Variants in MATR3 observed in about 807,000 individuals in gnomAD.
MATR3 encodes the protein matrin-3.
MATR3 carries 4 observed loss-of-function variants against 85.5 expected under a neutral mutation model. The ratio of observed to expected loss-of-function variants is 0.05; its 90% CI spans 0.02 to 0.11. The LOEUF is 0.11. Ranked by LOEUF, MATR3 falls within the 10% of genes least tolerant of loss-of-function variation. MATR3 has a pLI of 1.00. For missense variants in MATR3, 685 were observed against 1,016.1 expected (o/e 0.67, Z 4.43); for synonymous variants, 336 against 343.1 (o/e 0.98, Z 0.23).
chr5:139,322,420 AT>A, intron 10 of MATR3, 42 bp from the exon 11 acceptor site: 1 of 1,528,182 alleles, frequency 6.5e-7, no homozygotes. Context: ...ATAATTGTGT[AT>A]TCTGCAAATG....
chr5:139,290,467 A>C (rs371681733), upstream of MATR3, among the ~76,000 whole-genome samples: 2 of 1,600 alleles, frequency 1.3e-3, no homozygotes, highest in East Asian at 0.024. Context: ...TTTTTTTTTT[A>C]ACAGGGTCCT....
intron 1 of MATR3, among the ~76,000 whole-genome samples, chr5:139,275,163 TTTTTTTTG>T: frequency 7.7e-6 from 1 of 129,612 alleles, no homozygotes; most frequent in African/African-American, 2.9e-5. Context: ...TTTTTTTTTT[TTTTTTTTG>T]TATTTTTAGT....
chr5:139,292,490 A>G (rs2151910700), upstream of MATR3, among the ~76,000 whole-genome samples: 1 of 152,304 alleles, frequency 6.6e-6, no homozygotes, highest in South Asian at 2.1e-4. Context: ...TTAGGTCTCC[A>G]AACAATTTAC....
intron 12 of MATR3, among the ~76,000 whole-genome samples, chr5:139,323,603 A>G (rs557880130): frequency 6.6e-6 from 1 of 152,332 alleles, no homozygotes; most frequent in South Asian, 2.1e-4. Context: ...TTTATGTTAA[A>G]TGGCTCATAA....
chr5:139,319,385 C>A lies in MATR3; in HGVS notation c.1486C>A (p.Arg496Ser). Residue 496 changes from arginine to serine, a missense_variant, in exon 9 of 15, where the codon CGT becomes AGT. Transcript: ENST00000394805. Reference sequence around the variant, plus strand: ...GTTTGATCAAAAGCAAGAGCTTGGACGTGTGATACATCTCAGCAATTTGCC... The same window carrying A: ...GTTTGATCAAAAGCAAGAGCTTGGAAGTGTGATACATCTCAGCAATTTGCC... The part of the protein sequence containing the change: ...QKFDQKQELG[R>S]VIHLSNLPHS... 3 of 1,614,078 alleles carry A rather than the reference C, an allele frequency of 1.9e-6. No individual in the cohort carries two copies. The highest frequency in any genetic ancestry group is 2.5e-6 in the Non-Finnish European group (3 of 1,179,998).
chr5:139,301,996 T>G (rs1342423697), intron 1 of MATR3, among the ~76,000 whole-genome samples: 1 of 152,228 alleles, frequency 6.6e-6, no homozygotes, highest in African/African-American at 2.4e-5. Context: ...ACTTCACGTC[T>G]GTTAGATGGA....
upstream of MATR3, among the ~76,000 whole-genome samples, chr5:139,292,756 G>C (rs562084534): frequency 1.3e-5 from 2 of 152,244 alleles, no homozygotes; most frequent in Non-Finnish European, 2.9e-5. Flanking sequence ...TGGCTAACAC[G>C]GTGAAACCCC....
At chr5:139,321,115 C>T (rs914356616) in intron 9 of MATR3, among the ~76,000 whole-genome samples, 3 of 151,654 alleles carry the variant, frequency 2.0e-5, no homozygotes, top group African/African-American at 7.3e-5. Context: ...TAAAGTGATT[C>T]TTGGGGATTT....
chr5:139,314,728 T>G lies in MATR3; in HGVS notation c.966T>G (p.Leu322=). 1 of 1,613,734 alleles carries G rather than the reference T, an allele frequency of 6.2e-7. No homozygotes were observed. Reference sequence around the variant, plus strand: ...GTCACAGTCGTCGATGCCAGCTTCTTCTTGAAATGTAGGAGTTTGAAATAC... The same window carrying G: ...GTCACAGTCGTCGATGCCAGCTTCTGCTTGAAATGTAGGAGTTTGAAATAC... ...GASHSRRCQL[L]LEIYPEWNPD... The change falls in exon 3 of 15, where the codon CTT becomes CTG. Residue 322 remains leucine (L), a synonymous_variant. Coordinates refer to ENST00000394805, the MANE Select transcript of MATR3 (RefSeq NM_018834.6).
chr5:139,303,713 A>C (rs978915912), intron 1 of MATR3, among the ~76,000 whole-genome samples: 1 of 150,968 alleles, frequency 6.6e-6, no homozygotes, highest in East Asian at 1.9e-4. Flanking sequence ...ATGCCATTCC[A>C]CTCCAGCCTG....
In MATR3 at chr5:139,307,706, ATCT is replaced by A; in HGVS notation, c.295_297del (p.Ser99del). ...TTGGAAGTAGAGGTCCACTCCCTTTATCTTCTCAACACCGTGGAGATGCAGACC... is the reference window on the plus strand; with the variant it reads ...TTGGAAGTAGAGGTCCACTCCCTTTATCTCAACACCGTGGAGATGCAGACC... On this transcript the variant is annotated inframe_deletion, in exon 2 of 15. Transcript: ENST00000394805. This position sits in a 1 kb window ranked among gnomAD's most constrained non-coding sequence, Gnocchi z 4.4. 1 of 1,614,108 alleles carries A rather than the reference ATCT, an allele frequency of 6.2e-7. No individual in the cohort carries two copies.
intron 1 of MATR3, among the ~76,000 whole-genome samples, chr5:139,303,081 T>TACA (rs1754535055): frequency 2.0e-5 from 3 of 151,576 alleles, no homozygotes; most frequent in Admixed American, 2.0e-4. Flanking sequence ...CTACAAAGAC[T>TACA]GAGAAGAGAA....
chr5:139,330,159 T>C lies in MATR3; in HGVS notation c.*764T>C. The C allele has an allele frequency of 2.2e-6, 1 of 454,530 alleles. No individual in the cohort carries two copies. Among genetic ancestry groups the C allele is most frequent in the Non-Finnish European group, 4.4e-6 (1 of 226,780 alleles). The allele number at this position is 454,530 out of a possible 1,614,324, so 28.2% of individuals were successfully genotyped here. On this transcript the variant is annotated 3_prime_UTR_variant, in exon 15 of 15. Transcript: ENST00000394805. ...CATCTCTGGTATAAGCAACATTTGA[T>C]TTTTGAAGTGTGTAGACCATCTCTT...
In MATR3 at chr5:139,315,703, A is replaced by C; in HGVS notation, c.981A>C (p.Pro327=). The C allele has an allele frequency of 6.2e-7, 1 of 1,611,172 alleles. No homozygotes were observed. Among genetic ancestry groups the C allele is most frequent in the Non-Finnish European group, 8.5e-7 (1 of 1,177,516 alleles). The stretch of plus-strand genomic sequence containing the variant: ...TTTTCTGGTCTTTTTAAAGCTACCC[A>C]GAATGGAATCCTGACAATGATACAG... The part of the protein sequence containing the change: ...RRCQLLLEIY[P]EWNPDNDTGH... Residue 327 remains proline (P), a synonymous_variant, in exon 4 of 15, where the codon CCA becomes CCC. Transcript: ENST00000394805.
chr5:139,275,225 C>T (rs1353874162), intron 1 of MATR3, among the ~76,000 whole-genome samples: 2 of 140,918 alleles, frequency 1.4e-5, no homozygotes, highest in African/African-American at 5.4e-5. Context: ...TCTCGATCTC[C>T]TGAACTCGTG....
Position 139,278,176 on chromosome 5 carries a change from G to C in MATR3, c.-256-875G>C. On this transcript the variant is annotated intron_variant, in intron 2 of 16. Transcript: ENST00000509990. ...TGACCCAGGAGATTGAGACTACAGT[G>C]AACCATGGTCATGCCACTGCACTCA... 5 of 247,626 alleles carry C rather than the reference G, an allele frequency of 2.0e-5. No homozygotes were observed. The South Asian group carries it at 2.2e-4, about 11-fold the overall frequency. 15.3% of individuals were successfully genotyped at this position (247,626 alleles called of 1,614,324 possible). A position where few individuals can be genotyped will look rare whatever the true frequency, so the allele number is the denominator to read the frequency against.
chr5:139,320,631 CTTTTTTGTTTTTCT>C (rs1755509943), intron 9 of MATR3, among the ~76,000 whole-genome samples: 1 of 151,262 alleles, frequency 6.6e-6, no homozygotes, highest in Non-Finnish European at 1.5e-5. Flanking sequence ...AGGAGAACAT[CTTTTTTGTTTTTCT>C]TTTTTTGTTT....
chr5:139,317,820 TA>T (rs2151991420), intron 7 of MATR3, 99 bp downstream of exon 7: 1 of 1,208,102 alleles, frequency 8.3e-7, no homozygotes, highest in Non-Finnish European at 1.2e-6. Flanking sequence ...AAACTCAAGG[TA>T]ATCTTAAGTT....
chr5:139,292,540 G>C (rs1432251285), upstream of MATR3, among the ~76,000 whole-genome samples: 1 of 152,086 alleles, frequency 6.6e-6, no homozygotes, highest in East Asian at 1.9e-4. Flanking sequence ...CCTCCAACCC[G>C]GGTACCTAAC....
Sources: gnomAD v4.1 joint callset for allele counts (sites outside exome capture counted in the v4.1 genomes callset) on GRCh38, gnomAD v4.1.1 for gene constraint, Gnocchi (gnomAD v3.1) non-coding constraint, MANE v1.5 for transcripts, NCBI Gene and HGNC (gene_info 2026-07-23, HGNC 2026-07-21) for gene names.